PALM2AKAP2: variants seen among roughly 807,000 people sequenced by gnomAD.
PALM2AKAP2 encodes the protein PALM2-AKAP2 fusion protein.
Under a neutral mutation model 71.5 loss-of-function variants are expected in PALM2AKAP2, and 37 were observed. The observed-to-expected ratio is 0.52, with a 90% CI of 0.40 to 0.68. The LOEUF is 0.68. Among genes scored for constraint, PALM2AKAP2 ranks in the 30% least tolerant of loss-of-function variants. The pLI is 0.00. For missense variants in PALM2AKAP2, 1,224 were observed against 1,191.8 expected (o/e 1.03, Z -0.40); for synonymous variants, 468 against 478.8 (o/e 0.98, Z 0.29).
chr9:110,156,551 G>A, intron 3 of PALM2AKAP2, 54 bp downstream of exon 9: 1 of 1,516,638 alleles, frequency 6.6e-7, no homozygotes, highest in Non-Finnish European at 8.9e-7. Flanking sequence ...CATCGGTGTG[G>A]CGTGTGGCAT....
chr9:109,829,554 G>T (rs564355647), intron 1 of PALM2AKAP2, among the ~76,000 whole-genome samples: 42 of 151,860 alleles, frequency 2.8e-4, no homozygotes, highest in African/African-American at 9.9e-4. Flanking sequence ...TTCTCCATCT[G>T]CCATAAAATT....
chr9:109,916,836 A>G (rs911934344), intron 3 of PALM2AKAP2, among the ~76,000 whole-genome samples: 3 of 152,202 alleles, frequency 2.0e-5, no homozygotes, highest in Non-Finnish European at 2.9e-5. Context: ...ACACTCAGAC[A>G]TACTATTGCC....
intron 5 of PALM2AKAP2, among the ~76,000 whole-genome samples, chr9:109,930,861 C>G (rs1045072875): frequency 1.3e-5 from 2 of 152,128 alleles, no homozygotes; most frequent in African/African-American, 2.4e-5. Flanking sequence ...AGGTGAACTG[C>G]AGTGCTCGTG....
chr9:109,834,736 A>G (rs1828409109), intron 1 of PALM2AKAP2, among the ~76,000 whole-genome samples: 1 of 152,154 alleles, frequency 6.6e-6, no homozygotes, highest in Non-Finnish European at 1.5e-5. Context: ...GACCTCTTAA[A>G]TCTTCAGAAC....
chr9:109,740,875 A>C (rs1016970609), intron 1 of PALM2AKAP2, among the ~76,000 whole-genome samples: 1 of 152,108 alleles, frequency 6.6e-6, no homozygotes, highest in Admixed American at 6.6e-5. Context: ...GATGGTCTCA[A>C]TCTCTTGACC....
chr9:109,722,753 C>T (rs1022398713), intron 1 of PALM2AKAP2, among the ~76,000 whole-genome samples: 3 of 152,194 alleles, frequency 2.0e-5, no homozygotes, highest in Admixed American at 6.5e-5. Context: ...GCCTGGTAGA[C>T]AGAGTGAGAC....
chr9:109,901,380 G>A (rs1830327824), intron 3 of PALM2AKAP2, among the ~76,000 whole-genome samples: 1 of 152,156 alleles, frequency 6.6e-6, no homozygotes, highest in Non-Finnish European at 1.5e-5. Context: ...CCCTGGGAAC[G>A]GACATGAGTG....
At chr9:110,167,775 C>A (rs1401528209) in intron 3 of PALM2AKAP2, among the ~76,000 whole-genome samples, 1 of 151,886 alleles carries the variant, frequency 6.6e-6, no homozygotes, top group Non-Finnish European at 1.5e-5. Flanking sequence ...TATAGGTTTG[C>A]AAAGCTTGAT....
chr9:110,046,964 A>G (rs960848596), upstream of PALM2AKAP2, among the ~76,000 whole-genome samples: 1 of 152,208 alleles, frequency 6.6e-6, no homozygotes, highest in Non-Finnish European at 1.5e-5. Context: ...ATCCAAGCAC[A>G]CTCATTTTAA....
At chr9:109,850,418 T>C (rs1828978736) in intron 1 of PALM2AKAP2, among the ~76,000 whole-genome samples, 2 of 152,168 alleles carry the variant, frequency 1.3e-5, no homozygotes. Context: ...GTGTTTTCTG[T>C]GGTTCTGAGA....
intron 1 of PALM2AKAP2, among the ~76,000 whole-genome samples, chr9:110,105,131 T>G (rs934350376): frequency 1.3e-5 from 2 of 152,228 alleles, no homozygotes; most frequent in African/African-American, 4.8e-5. Context: ...GCTCTGTATA[T>G]GTTTTAATGG....
intron 3 of PALM2AKAP2, among the ~76,000 whole-genome samples, chr9:109,895,139 C>T (rs1046263721): frequency 1.1e-4 from 17 of 152,208 alleles, no homozygotes; most frequent in African/African-American, 3.9e-4. Context: ...CCATTCTTTT[C>T]CTGTAACTAA....
rs532935230 is a variant in PALM2AKAP2, at chr9:109,793,991, T to C, written c.45+13458T>C. Among the ~76,000 whole-genome samples the C allele has an allele frequency of 4.6e-5, 7 of 152,318 alleles. No individual in the cohort carries two copies. In the East Asian group the frequency reaches 1.3e-3, roughly 29 times the overall value. On this transcript the variant is annotated intron_variant, in intron 1 of 9. Coordinates refer to the PALM2AKAP2 transcript ENST00000302798. ...ACTATCTGACCATTTGGAGAAAAAC[T>C]TTGCCAACCCCTGCTTTCTACATGG...
chr9:109,876,515 G>T (rs1829725923), intron 2 of PALM2AKAP2, among the ~76,000 whole-genome samples: 1 of 152,012 alleles, frequency 6.6e-6, no homozygotes, highest in African/African-American at 2.4e-5. Context: ...GTCATGCTCT[G>T]TTGCCCAGGT....
intron 2 of PALM2AKAP2, among the ~76,000 whole-genome samples, chr9:109,872,911 T>C (rs2131723853): frequency 6.6e-6 from 1 of 152,342 alleles, no homozygotes; most frequent in South Asian, 2.1e-4. Context: ...CTCCCTTGTT[T>C]CCATACCCAG....
intron 3 of PALM2AKAP2, 129 bp downstream of exon 3, chr9:109,880,810 G>C (rs1829830204): frequency 7.5e-7 from 1 of 1,340,774 alleles, no homozygotes; most frequent in Non-Finnish European, 9.8e-7. Context: ...CCTAAACAAA[G>C]CACATTGATG....
At chr9:110,069,903 A>G (rs1834167363) in intron 1 of PALM2AKAP2, among the ~76,000 whole-genome samples, 1 of 152,246 alleles carries the variant, frequency 6.6e-6, no homozygotes, top group Non-Finnish European at 1.5e-5. Context: ...GTTAAATCAT[A>G]ATCAGGCGGC....
chr9:110,166,239 A>G (rs192416578), intron 3 of PALM2AKAP2, among the ~76,000 whole-genome samples: 26 of 152,240 alleles, frequency 1.7e-4, no homozygotes, highest in African/African-American at 6.3e-4. Context: ...AGTTTTTATG[A>G]TCCCCATTTT....
chr9:109,717,461 G>A (rs994437960), intron 1 of PALM2AKAP2, among the ~76,000 whole-genome samples: 2 of 152,192 alleles, frequency 1.3e-5, no homozygotes, highest in African/African-American at 4.8e-5. Context: ...GGTGTGTGGG[G>A]TAGAGAGTAG....
Sources: allele counts gnomAD v4.1 joint callset (sites outside exome capture counted in the v4.1 genomes callset), GRCh38; gene constraint gnomAD v4.1.1; transcripts MANE v1.5; gene names NCBI Gene and HGNC (gene_info 2026-07-23, HGNC 2026-07-21).